ZBTB20: variants seen among roughly 807,000 people sequenced by gnomAD.
The protein encoded by ZBTB20 is zinc finger and BTB domain containing 20.
A neutral mutation model predicts 56.9 loss-of-function variants in ZBTB20; 9 were observed. The ratio of observed to expected loss-of-function variants is 0.16; its 90% CI spans 0.10 to 0.28. The LOEUF is 0.28. Ranked by LOEUF, ZBTB20 falls within the 10% of genes least tolerant of loss-of-function variation. The pLI is 1.00. For synonymous variants in ZBTB20, 417 were observed against 420.7 expected (o/e 0.99, Z 0.11); for missense variants, 655 against 1,003.0 (o/e 0.65, Z 4.69).
At chr3:114,675,515 G>A (rs1233402308) in intron 6 of ZBTB20, among the ~76,000 whole-genome samples, 1 of 152,038 alleles carries the variant, frequency 6.6e-6, no homozygotes, top group Non-Finnish European at 1.5e-5. Context: ...TTCAGAAGAA[G>A]TAAAATCACA....
rs575487903 is a variant in ZBTB20, at chr3:114,906,950, G to A, written c.-455-6608C>T. 7.2e-5 allele frequency among the ~76,000 whole-genome samples: 11 copies of A among 151,814 alleles called. No individual in the cohort carries two copies. In the South Asian group the frequency reaches 1.9e-3, roughly 26 times the overall value. On this transcript the variant is annotated intron_variant, in intron 3 of 11. Transcript: ENST00000675478. ...TCTATTAGCTTTTCCCTTAGGTGAC[G>A]CAGTCTTCCCCTCATATAAATAAAA...
chr3:115,135,197 C>T (rs2084621861), intron 1 of ZBTB20, among the ~76,000 whole-genome samples: 1 of 152,160 alleles, frequency 6.6e-6, no homozygotes, highest in Admixed American at 6.5e-5. Flanking sequence ...CCCAAGGTGT[C>T]ATGACAGTTG....
intron 4 of ZBTB20, among the ~76,000 whole-genome samples, chr3:114,862,022 A>C (rs2075559085): frequency 6.6e-6 from 1 of 152,216 alleles, no homozygotes; most frequent in African/African-American, 2.4e-5. Context: ...TTTTTCCTTT[A>C]GATACACATA....
chr3:114,586,552 T>C (rs1300818775), intron 6 of ZBTB20, among the ~76,000 whole-genome samples: 4 of 152,242 alleles, frequency 2.6e-5, no homozygotes, highest in African/African-American at 9.6e-5. Context: ...GAATTTCCAC[T>C]GACTTCTCTC....
At chr3:114,939,529 T>C (rs1560419868) in intron 3 of ZBTB20, among the ~76,000 whole-genome samples, 1 of 146,466 alleles carries the variant, frequency 6.8e-6, no homozygotes, top group Admixed American at 6.6e-5. Context: ...ATTTTTGAAT[T>C]TTCCAAATTT....
At chr3:114,715,677 G>C (rs2064427750) in intron 5 of ZBTB20, among the ~76,000 whole-genome samples, 1 of 152,196 alleles carries the variant, frequency 6.6e-6, no homozygotes, top group Non-Finnish European at 1.5e-5. Flanking sequence ...ACTTCGTCTT[G>C]CTTCACTCAG....
chr3:114,352,968 T>C (rs2080838390), intron 10 of ZBTB20, among the ~76,000 whole-genome samples: 1 of 152,220 alleles, frequency 6.6e-6, no homozygotes, highest in Non-Finnish European at 1.5e-5. Context: ...AGCGCCACCC[T>C]ATAACGTAGG....
chr3:115,055,721 T>C (rs1460495669), intron 2 of ZBTB20, among the ~76,000 whole-genome samples: 1 of 152,168 alleles, frequency 6.6e-6, no homozygotes, highest in South Asian at 2.1e-4. Context: ...TCTATTAATA[T>C]TATAACTATC....
chr3:114,641,231 G>T (rs574304635), intron 6 of ZBTB20, among the ~76,000 whole-genome samples: 2 of 151,936 alleles, frequency 1.3e-5, no homozygotes, highest in African/African-American at 4.8e-5. Flanking sequence ...CAAGCATGTT[G>T]TAGCAAGGGT....
At chr3:114,750,217 A>G (rs1387650813) in intron 5 of ZBTB20, among the ~76,000 whole-genome samples, 1 of 152,188 alleles carries the variant, frequency 6.6e-6, no homozygotes, top group African/African-American at 2.4e-5. Context: ...TTTTTAAAAA[A>G]TGATGGTAGC....
chr3:114,418,609 A>C (rs1412735565), intron 7 of ZBTB20, among the ~76,000 whole-genome samples: 2 of 151,780 alleles, frequency 1.3e-5, no homozygotes, highest in African/African-American at 2.4e-5. Flanking sequence ...TCAAGCAGTG[A>C]GAACAGTTGG....
intron 10 of ZBTB20, among the ~76,000 whole-genome samples, chr3:114,372,242 A>C (rs982695902): frequency 6.6e-6 from 1 of 152,230 alleles, no homozygotes; most frequent in African/African-American, 2.4e-5. Context: ...ATAAGAATTA[A>C]AGATGTATTC....
intron 5 of ZBTB20, among the ~76,000 whole-genome samples, chr3:114,719,220 C>G (rs1029678117): frequency 6.6e-6 from 1 of 151,458 alleles, no homozygotes; most frequent in African/African-American, 2.4e-5. Flanking sequence ...AAGAAGGGAG[C>G]CTGGAGGACA....
chr3:114,951,976 T>C (rs2077080911), intron 3 of ZBTB20, among the ~76,000 whole-genome samples: 1 of 151,940 alleles, frequency 6.6e-6, no homozygotes, highest in South Asian at 2.1e-4. Context: ...AAAATAAAGA[T>C]AATACAGAAA....
At chr3:114,343,457 G>T (rs1050459142) in intron 11 of ZBTB20, among the ~76,000 whole-genome samples, 2 of 152,134 alleles carry the variant, frequency 1.3e-5, no homozygotes, top group Non-Finnish European at 2.9e-5. Context: ...CTAGTACAAT[G>T]CCCTCCTCTT....
At chr3:114,525,885 A>T (rs1392390960) in intron 6 of ZBTB20, among the ~76,000 whole-genome samples, 1 of 152,174 alleles carries the variant, frequency 6.6e-6, no homozygotes, top group Non-Finnish European at 1.5e-5. Flanking sequence ...TGAGACCAGA[A>T]CCAACCCCTA....
chr3:115,022,136 C>T (rs896190594), intron 2 of ZBTB20, among the ~76,000 whole-genome samples: 1 of 149,708 alleles, frequency 6.7e-6, no homozygotes, highest in African/African-American at 2.4e-5. Flanking sequence ...ATTTAGGATA[C>T]GTAAAAAAGA....
intron 6 of ZBTB20, among the ~76,000 whole-genome samples, chr3:114,644,961 A>G (rs1366479532): frequency 1.3e-5 from 2 of 152,040 alleles, no homozygotes; most frequent in African/African-American, 4.8e-5. Flanking sequence ...TTCTTTCCCT[A>G]AGGATAATGT....
At chr3:114,817,235 T>TA (rs2072990524) in intron 4 of ZBTB20, among the ~76,000 whole-genome samples, 1 of 132,638 alleles carries the variant, frequency 7.5e-6, no homozygotes, top group East Asian at 2.0e-4. Flanking sequence ...ACACACATAA[T>TA]AAATTGGGCG....
Sources: gnomAD v4.1 joint callset for allele counts (sites outside exome capture counted in the v4.1 genomes callset) on GRCh38, gnomAD v4.1.1 for gene constraint, MANE v1.5 for transcripts, NCBI Gene and HGNC (gene_info 2026-07-23, HGNC 2026-07-21) for gene names.